The following ATG5 variants were observed in gnomAD, a reference collection of about 807,000 sequenced individuals.
ATG5 encodes the protein autophagy related 5.
A neutral mutation model predicts 36.5 loss-of-function variants in ATG5; 14 were observed. The ratio of observed to expected loss-of-function variants is 0.38; its 90% CI spans 0.25 to 0.60. The LOEUF (loss-of-function observed/expected upper bound fraction) is 0.60. Ranked by LOEUF, ATG5 falls within the 20% of genes least tolerant of loss-of-function variation. ATG5 has a pLI of 0.60. For missense variants in ATG5, 195 were observed against 326.7 expected (o/e 0.60, Z 3.11); for synonymous variants, 95 against 101.5 (o/e 0.94, Z 0.38).
intron 3 of ATG5, among the ~76,000 whole-genome samples, chr6:106,298,172 G>T (rs1381128601): frequency 1.3e-5 from 2 of 151,770 alleles, no homozygotes; most frequent in Non-Finnish European, 2.9e-5. Flanking sequence ...TGTTGGCCAG[G>T]CTAGTCTTGA....
At chr6:106,216,672 C>T (rs978159449) in intron 6 of ATG5, among the ~76,000 whole-genome samples, 1 of 152,112 alleles carries the variant, frequency 6.6e-6, no homozygotes, top group Admixed American at 6.6e-5. Flanking sequence ...GGTTGCACAA[C>T]TCTGTGTAAC....
intron 5 of ATG5, among the ~76,000 whole-genome samples, chr6:106,263,547 T>TGCCTCCTGACTGGGAGAG (rs1779110533): frequency 3.3e-5 from 5 of 152,206 alleles, no homozygotes; most frequent in Admixed American, 3.3e-4. Flanking sequence ...CTGATCCCCA[T>TGCCTCCTGACTGGGAGAG]GCCTCCTGAC....
At chr6:106,321,212 AG>A (rs1383282818) in intron 1 of ATG5, among the ~76,000 whole-genome samples, 6 of 152,302 alleles carry the variant, frequency 3.9e-5, no homozygotes, top group Admixed American at 2.0e-4. Context: ...TAATTTTCAC[AG>A]GGCTGTTAGG....
intron 6 of ATG5, among the ~76,000 whole-genome samples, chr6:106,235,776 GCTCT>G (rs35661088): frequency 0.59 from 89,607 of 151,530 alleles, 27,537 homozygotes; most frequent in African/African-American, 0.76. Flanking sequence ...TTGTATGGGA[GCTCT>G]CTCTGTCTTC....
At chr6:106,237,430 T>C (rs1357583710) in intron 6 of ATG5, among the ~76,000 whole-genome samples, 3 of 152,206 alleles carry the variant, frequency 2.0e-5, no homozygotes, top group Non-Finnish European at 4.4e-5. Context: ...ATGCAGTATA[T>C]ACTATTTTGA....
intron 7 of ATG5, among the ~76,000 whole-genome samples, chr6:106,188,472 GA>G (rs1353289774): frequency 6.6e-6 from 1 of 152,092 alleles, no homozygotes; most frequent in African/African-American, 2.4e-5. Context: ...AACAGCAGAA[GA>G]AACAAGTCAC....
chr6:106,301,457 T>TA (rs1188138552), intron 3 of ATG5, among the ~76,000 whole-genome samples: 9 of 152,028 alleles, frequency 5.9e-5, no homozygotes, highest in African/African-American at 1.9e-4. Context: ...CCTGAACTGA[T>TA]ACTCTCAAAA....
At chr6:106,308,076 G>C (rs1562268209) in intron 3 of ATG5, among the ~76,000 whole-genome samples, 2 of 152,236 alleles carry the variant, frequency 1.3e-5, no homozygotes, top group East Asian at 3.9e-4. Flanking sequence ...TCATAAGGGA[G>C]TTTTAAATAT....
At chr6:106,228,244 C>A (rs1432773203) in intron 6 of ATG5, among the ~76,000 whole-genome samples, 2 of 152,130 alleles carry the variant, frequency 1.3e-5, no homozygotes, top group Non-Finnish European at 2.9e-5. Context: ...TCGAGCTGAG[C>A]TTTCACTCTC....
chr6:106,233,687 C>T (rs1066914), intron 6 of ATG5, among the ~76,000 whole-genome samples: 151,636 of 152,300 alleles, frequency 1, 75,488 homozygotes, highest in East Asian at 1. Context: ...CATCTCATAA[C>T]GTGAACGGCA....
At chr6:106,310,103 A>G (rs1390392663) in intron 2 of ATG5, among the ~76,000 whole-genome samples, 2 of 152,174 alleles carry the variant, frequency 1.3e-5, no homozygotes, top group Admixed American at 6.5e-5. Flanking sequence ...AACCTCAATT[A>G]AGACAGGAAT....
In ATG5 at chr6:106,287,963, A is replaced by G. The variant is rs1687387919; in HGVS notation, c.315+5065T>C. Among the ~76,000 whole-genome samples the G allele has an allele frequency of 2.0e-5, 3 of 151,534 alleles. No individual in the cohort carries two copies. The South Asian group carries it at 6.3e-4, about 32-fold the overall frequency. ...GAAAGGTATTATGAGTATTCACTGG[A>G]CCACAATTAACTTTTTTTTTTTTTT... is the stretch of plus-strand genomic sequence containing the variant. On this transcript the variant is annotated intron_variant, in intron 4 of 7. Coordinates refer to ENST00000369076, the MANE Select transcript of ATG5 (RefSeq NM_004849.4).
intron 1 of ATG5, among the ~76,000 whole-genome samples, chr6:106,317,941 G>A (rs188483457): frequency 2.6e-5 from 4 of 152,296 alleles, no homozygotes; most frequent in Admixed American, 2.0e-4. Context: ...AGTTGTTTCT[G>A]CAGCCATGAT....
intron 3 of ATG5, among the ~76,000 whole-genome samples, chr6:106,298,819 G>C (rs1333938410): frequency 6.6e-6 from 1 of 152,056 alleles, no homozygotes; most frequent in African/African-American, 2.4e-5. Context: ...TATTTCTAAT[G>C]AATCTACTGA....
chr6:106,203,014 G>C (rs1279683376), intron 6 of ATG5, among the ~76,000 whole-genome samples: 2 of 152,126 alleles, frequency 1.3e-5, no homozygotes, highest in African/African-American at 4.8e-5. Context: ...GAGAGAGAAA[G>C]AGAGAGACAG....
At chr6:106,271,520 C>A (rs758669463) in intron 5 of ATG5, 1 of 152,146 alleles carries the variant, frequency 6.6e-6, no homozygotes, top group Non-Finnish European at 1.5e-5. Flanking sequence ...ACTCTCTAGC[C>A]GCTAGATTGT....
intron 6 of ATG5, among the ~76,000 whole-genome samples, chr6:106,212,508 G>A (rs901931480): frequency 1.3e-5 from 2 of 152,128 alleles, no homozygotes; most frequent in Non-Finnish European, 2.9e-5. Flanking sequence ...GCGCTGTGGC[G>A]GGTGCTTGTA....
chr6:106,282,635 G>A (rs1779924921), intron 4 of ATG5, among the ~76,000 whole-genome samples: 1 of 152,112 alleles, frequency 6.6e-6, no homozygotes, highest in Non-Finnish European at 1.5e-5. Flanking sequence ...TTAACTGTAG[G>A]CTTTTCATAT....
At position 106,323,420 on chromosome 6, in the gene ATG5, T is replaced by C. The variant is rs140981868; in HGVS notation, c.-59+2106A>G. On this transcript the variant is annotated intron_variant, in intron 1 of 7. Coordinates refer to ENST00000369076, the MANE Select transcript of ATG5 (RefSeq NM_004849.4). ...TTCCCAAGTAGCCAGGACTACAGGC[T>C]CATGCCACTATGCCCAGCTAATTTT... Among the ~76,000 whole-genome samples, 165 of 151,464 alleles carry C rather than the reference T, an allele frequency of 1.1e-3. 1 individual carries two copies. The highest frequency in any genetic ancestry group is 3.6e-3 in the African/African-American group (148 of 41,264).
Sources: allele counts gnomAD v4.1 joint callset (sites outside exome capture counted in the v4.1 genomes callset), GRCh38; gene constraint gnomAD v4.1.1; transcripts MANE v1.5; gene names NCBI Gene and HGNC (gene_info 2026-07-23, HGNC 2026-07-21).